NR2E3: variants seen among roughly 807,000 people sequenced by gnomAD.
The protein encoded by NR2E3 is nuclear receptor subfamily 2 group E member 3.
Under a neutral mutation model 37.6 loss-of-function variants are expected in NR2E3, and 38 were observed. The observed-to-expected ratio is 1.01, with a 90% CI of 0.78 to 1.33. The LOEUF (loss-of-function observed/expected upper bound fraction) is 1.33, where lower values mean the gene tolerates loss of function less well. NR2E3 is among the 40% of genes most tolerant of loss of function. The pLI is 0.00. For missense variants in NR2E3, 562 were observed against 558.7 expected, an observed-to-expected ratio of 1.01 and a Z score of -0.06; for synonymous variants, 235 against 225.1, an observed-to-expected ratio of 1.04 and a Z score of -0.39.
rs755715184 is a variant in NR2E3 at position 71,812,444 on chromosome 15, T to C, written c.680T>C (p.Leu227Pro). The C allele has an allele frequency of 6.2e-7, 1 of 1,613,960 alleles. No individual in the cohort carries two copies. The highest frequency in any genetic ancestry group is 1.1e-5 in the South Asian group (1 of 91,080). Reference sequence around the variant, plus strand: ...AGCATCCATGAGACCTCGGCTCGCCTACTCTTCATGGCCGTCAAGTGGGCC... The same window carrying C: ...AGCATCCATGAGACCTCGGCTCGCCCACTCTTCATGGCCGTCAAGTGGGCC... The part of the protein sequence containing the change: ...LDSIHETSAR[L>P]LFMAVKWAKN... The change falls in exon 5 of 8, where the codon CTA (leucine) becomes CCA (proline). Residue 227 changes from leucine to proline, a missense_variant. Coordinates refer to ENST00000617575, the MANE Select transcript of NR2E3 (RefSeq NM_014249.4).
intron 1 of NR2E3, 21 bp downstream of exon 1, chr15:71,810,882 A>G (rs1429499415): frequency 1.3e-6 from 2 of 1,540,792 alleles, no homozygotes; most frequent in Non-Finnish European, 1.8e-6. Flanking sequence ...TCCTGGAGGT[A>G]GGGTTGGGTC....
intron 7 of NR2E3, among the ~76,000 whole-genome samples, chr15:71,817,241 G>A (rs1193900425): frequency 6.6e-6 from 1 of 152,006 alleles, no homozygotes; most frequent in Non-Finnish European, 1.5e-5. Flanking sequence ...TGGGACTACA[G>A]GTGCCCGCCA....
Position 71,810,653 on chromosome 15 carries a change from G to A in NR2E3, c.-91G>A, listed in dbSNP as rs2054170478. The A allele has an allele frequency of 1.3e-6, 2 of 1,531,510 alleles. No individual in the cohort carries two copies. Among genetic ancestry groups the A allele is most frequent in the Non-Finnish European group, 1.8e-6 (2 of 1,137,252 alleles). 94.9% of individuals were successfully genotyped at this position (1,531,510 alleles called of 1,614,324 possible). On this transcript the variant is annotated 5_prime_UTR_variant, in exon 1 of 8. Transcript: ENST00000617575. ...GTTCAGGAAGGGAGACAGGGGCACA[G>A]AGAGACAGAGGTTCATGGACTGAGG...
At position 71,811,416 on chromosome 15, in the gene NR2E3, G is replaced by T; in HGVS notation, c.119-67G>T. ...GACTGGGAAAGGGACCCGAGGGAAG[G>T]AGGGGAGCGTGCAGCCCTGCCCCGG... is the stretch of plus-strand genomic sequence containing the variant. On this transcript the variant is annotated intron_variant, in intron 1 of 7. Transcript: ENST00000617575. The surrounding 1 kb of genome is among the most constrained non-coding windows in gnomAD (Gnocchi z 5.6). 7.0e-7 allele frequency: 1 copy of T among 1,438,552 alleles called. No homozygotes were observed. The highest frequency in any genetic ancestry group is 9.5e-7 in the Non-Finnish European group (1 of 1,056,460). The allele number at this position is 1,438,552 out of a possible 1,614,324, so 89.1% of individuals were successfully genotyped here.
chr15:71,814,367 A>G (rs776773685), intron 7 of NR2E3: 57 of 1,289,010 alleles, frequency 4.4e-5, no homozygotes, highest in Non-Finnish European at 5.3e-5. Flanking sequence ...AAACTGCCCT[A>G]GCCAGGTACT....
chr15:71,814,027 A>G lies in NR2E3; in HGVS notation c.1010A>G (p.Lys337Arg). The stretch of plus-strand genomic sequence containing the variant: ...TTCTCCCCAGAGACGCGGGGCCTGA[A>G]GGATCCTGAGCACGTAGAGGCCTTG... ...VLFKPETRGL[K>R]DPEHVEALQD... is the part of the protein sequence containing the mutation. The change falls in exon 7 of 8, where the codon AAG (lysine) becomes AGG (arginine). Residue 337 changes from lysine (K) to arginine (R), a missense_variant. Transcript: ENST00000617575. 6.2e-7 allele frequency: 1 copy of G among 1,612,270 alleles called. No individual in the cohort carries two copies. Among genetic ancestry groups the G allele is most frequent in the East Asian group, 2.2e-5 (1 of 44,876 alleles).
In NR2E3 at chr15:71,811,957, G is replaced by C. The variant is rs776270511; in HGVS notation, c.352G>C (p.Val118Leu). 2.6e-6 allele frequency: 4 copies of C among 1,550,070 alleles called. No individual in the cohort carries two copies. In the East Asian group the frequency reaches 9.8e-5, roughly 38 times the overall value. ...CCTGACCCTTCCTGCCTCCCCAGCC[G>C]TGCAGAACGAGCGCCAGCCGCGAAG... ...CLQAGMNQDA[V>L]QNERQPRSTA... Residue 118 changes from valine (V) to leucine (L), a missense_variant and splice_region_variant, in exon 4 of 8, where the codon GTG becomes CTG. By Grantham distance (32) the Val-to-Leu change is conservative. Transcript: ENST00000617575. The surrounding 1 kb of genome is among the most constrained non-coding windows in gnomAD (Gnocchi z 5.6).
rs1036292834 is a variant in NR2E3 at position 71,810,825 on chromosome 15, T to A, written c.82T>A (p.Ser28Thr). The change falls in exon 1 of 8, where the codon TCT becomes ACT. Residue 28 changes from serine (S) to threonine (T), a missense_variant. Ser to Thr is a moderately conservative substitution (Grantham distance 58). Transcript: ENST00000617575. ...PAAGAASRKE[S>T]PGRWGLGEDP... Reference sequence around the variant, plus strand: ...AGCTGGGGCTGCCTCCAGGAAGGAGTCTCCAGGCAGATGGGGCCTGGGGGA... The same window carrying A: ...AGCTGGGGCTGCCTCCAGGAAGGAGACTCCAGGCAGATGGGGCCTGGGGGA... 4 of 1,568,882 alleles carry A rather than the reference T, an allele frequency of 2.5e-6. No homozygotes were observed. In the African/African-American group the frequency reaches 4.1e-5, roughly 16 times the overall value.
chr15:71,810,920 C>T, intron 1 of NR2E3, 59 bp downstream of exon 1: 3 of 1,454,472 alleles, frequency 2.1e-6, no homozygotes, highest in South Asian at 2.8e-5. Context: ...GGGTAAGGGC[C>T]AGAGGTTCGC....
In NR2E3 at chr15:71,817,822, A is replaced by C; in HGVS notation, c.*138A>C. 1.5e-6 allele frequency: 1 copy of C among 684,804 alleles called. No individual in the cohort carries two copies. 42.4% of individuals were successfully genotyped at this position (684,804 alleles called of 1,614,324 possible). ...ATGCCCACCGAAAGATATTGTAAGA[A>C]TATTCATAGCAGCTTTATTCATAAT... is the stretch of plus-strand genomic sequence containing the variant. On this transcript the variant is annotated 3_prime_UTR_variant, in exon 8 of 8. Coordinates refer to ENST00000617575, the MANE Select transcript of NR2E3 (RefSeq NM_014249.4).
In NR2E3 at chr15:71,811,028, C is replaced by T. The variant is rs930357183; in HGVS notation, c.118+167C>T. Among the ~76,000 whole-genome samples, 17 of 145,372 alleles carry T rather than the reference C, an allele frequency of 1.2e-4. No individual in the cohort carries two copies. Among genetic ancestry groups the T allele is most frequent in the Admixed American group, 4.8e-4 (7 of 14,672 alleles). Reference sequence around the variant, plus strand: ...GGGTAAACCCAGAATCCTAGAAACACGGTGGGGCGGGGATGGGGGTTGGGG... The same window carrying T: ...GGGTAAACCCAGAATCCTAGAAACATGGTGGGGCGGGGATGGGGGTTGGGG... On this transcript the variant is annotated intron_variant, in intron 1 of 7. Transcript: ENST00000617575. The surrounding 1 kb of genome is among the most constrained non-coding windows in gnomAD (Gnocchi z 5.6).
intron 1 of NR2E3, 120 bp downstream of exon 1, chr15:71,810,981 G>T: frequency 9.2e-7 from 1 of 1,092,896 alleles, no homozygotes; most frequent in Non-Finnish European, 1.3e-6. Context: ...CGCCGGCTGT[G>T]GGCAAGGGTG....
Position 71,812,032 on chromosome 15 carries a change from C to T in NR2E3, c.427C>T (p.Pro143Ser). ...DSMESNTESR[P>S]ESLVAPPAPA... ...CATGGAGTCCAACACTGAGTCCCGG[C>T]CGGAGTCCCTGGTGGCTCCCCCGGC... The change falls in exon 4 of 8, where the codon CCG becomes TCG. Residue 143 changes from proline (P) to serine (S), a missense_variant. Transcript: ENST00000617575. 1 of 1,554,424 alleles carries T rather than the reference C, an allele frequency of 6.4e-7. No homozygotes were observed. Among genetic ancestry groups the T allele is most frequent in the South Asian group, 1.2e-5 (1 of 84,210 alleles).
rs1235356927 is a variant in NR2E3, at chr15:71,813,778, C to T, written c.994+143C>T. 6 of 1,474,124 alleles carry T rather than the reference C, an allele frequency of 4.1e-6. No individual in the cohort carries two copies. The highest frequency in any genetic ancestry group is 2.4e-5 in the East Asian group (1 of 41,884). The allele number at this position is 1,474,124 out of a possible 1,614,324, so 91.3% of individuals were successfully genotyped here. ...GGGAGGAGAGTGGTGAGGCTGGACT[C>T]CCTTCTCCTTGGGGCCACTCCTGGT... is the stretch of plus-strand genomic sequence containing the variant. On this transcript the variant is annotated intron_variant, in intron 6 of 7. Transcript: ENST00000617575. This position sits in a 1 kb window ranked among gnomAD's most constrained non-coding sequence, Gnocchi z 4.7.
chr15:71,817,684 G>A lies in NR2E3; in HGVS notation c.1233G>A (p.Ter411=), dbSNP rs377154860. The change falls in exon 8 of 8, where the codon TAG becomes TAA. Residue 411 remains the stop codon, a stop_retained_variant. Transcript: ENST00000617575. The part of the protein sequence containing the change: ...EKLLCDMFKN[*] Reference sequence around the variant, plus strand: ...TCCTTTGTGATATGTTCAAAAACTAGTGGGGGTGGAGGTGAAATGTTTCCA... The same window carrying A: ...TCCTTTGTGATATGTTCAAAAACTAATGGGGGTGGAGGTGAAATGTTTCCA... The A allele has an allele frequency of 4.3e-5, 68 of 1,595,538 alleles. No individual in the cohort carries two copies. The African/African-American group carries it at 8.3e-4, about 19-fold the overall frequency.
chr15:71,817,328 G>C, intron 7 of NR2E3: 1 of 355,946 alleles, frequency 2.8e-6, no homozygotes, highest in Admixed American at 3.9e-5. Flanking sequence ...TCGATCTCCT[G>C]ACCTTGTGAT....
rs1302469540 is a variant in NR2E3, at chr15:71,812,034, G to A, written c.429G>A (p.Pro143=). 2.3e-5 allele frequency: 35 copies of A among 1,554,292 alleles called. No homozygotes were observed. Among genetic ancestry groups the A allele is most frequent in the Admixed American group, 3.9e-5 (2 of 51,254 alleles). Residue 143 remains proline, a synonymous_variant, in exon 4 of 8, where the codon CCG becomes CCA. Transcript: ENST00000617575. The stretch of plus-strand genomic sequence containing the variant: ...TGGAGTCCAACACTGAGTCCCGGCC[G>A]GAGTCCCTGGTGGCTCCCCCGGCCC... ...DSMESNTESR[P]ESLVAPPAPA...
Position 71,812,088 on chromosome 15 carries a change from A to G in NR2E3, c.483A>G (p.Thr161=). The stretch of plus-strand genomic sequence containing the variant: ...CAGGGCGCAGCCCACGGGGCCCCAC[A>G]CCCATGTCTGCAGCCAGAGCCCTGG... The part of the protein sequence containing the change: ...APAGRSPRGP[T]PMSAARALGH... The change falls in exon 4 of 8, where the codon ACA becomes ACG. Residue 161 remains threonine, a synonymous_variant. Transcript: ENST00000617575. 6.4e-7 allele frequency: 1 copy of G among 1,554,290 alleles called. No individual in the cohort carries two copies. Among genetic ancestry groups the G allele is most frequent in the East Asian group, 2.4e-5 (1 of 41,112 alleles).
rs772583552 is a variant in NR2E3, at chr15:71,811,538, C to G, written c.174C>G (p.His58Gln). The change falls in exon 2 of 8, where the codon CAC becomes CAG. Residue 58 changes from histidine (H) to glutamine (Q), a missense_variant. Coordinates refer to ENST00000617575, the MANE Select transcript of NR2E3 (RefSeq NM_014249.4). This position sits in a 1 kb window ranked among gnomAD's most constrained non-coding sequence, Gnocchi z 5.6. ...GCGGAGACAGCAGCAGCGGGAAGCA[C>G]TATGGCATCTATGCCTGCAACGGCT... ...RVCGDSSSGK[H>Q]YGIYACNGCS... 6.3e-7 allele frequency: 1 copy of G among 1,589,490 alleles called. No homozygotes were observed. Among genetic ancestry groups the G allele is most frequent in the South Asian group, 1.1e-5 (1 of 86,980 alleles).
Sources: gnomAD v4.1 joint callset for allele counts (sites outside exome capture counted in the v4.1 genomes callset) on GRCh38, gnomAD v4.1.1 for gene constraint, Gnocchi (gnomAD v3.1) non-coding constraint, MANE v1.5 for transcripts, NCBI Gene and HGNC (gene_info 2026-07-23, HGNC 2026-07-21) for gene names.